ACAA2: variants seen among roughly 807,000 people sequenced by gnomAD.
ACAA2 encodes the protein acetyl-CoA acyltransferase 2.
ACAA2 carries 35 observed loss-of-function variants against 44.8 expected under a neutral mutation model. The observed-to-expected ratio is 0.78, with a 90% CI of 0.60 to 1.04. ACAA2 has a LOEUF of 1.04. Among genes scored for constraint, ACAA2 ranks in the 50% least tolerant of loss-of-function variants. ACAA2 has a pLI of 0.00. For missense variants in ACAA2, 468 were observed against 482.6 expected (o/e 0.97, Z 0.28); for synonymous variants, 142 against 166.5 (o/e 0.85, Z 1.13).
At position 49,787,273 on chromosome 18, in the gene ACAA2, A is replaced by C. The variant is rs2259175; in HGVS notation, c.954+18T>G. 107,114 of 1,144,562 alleles carry C rather than the reference A, an allele frequency of 0.094. 5,756 individuals are homozygous for C. Among genetic ancestry groups the C allele is most frequent in the African/African-American group, 0.44 (25,418 of 58,040 alleles). The allele number at this position is 1,144,562 out of a possible 1,614,324, so 70.9% of individuals were successfully genotyped here. A position where few individuals can be genotyped will look rare whatever the true frequency, so the allele number is the denominator to read the frequency against. On this transcript the variant is annotated intron_variant, in intron 8 of 9. Coordinates refer to ENST00000285093, the MANE Select transcript of ACAA2 (RefSeq NM_006111.3). Reference sequence around the variant, plus strand: ...TATTCATGTTGTTAAAAAAAAAAAAAAAAAAAAAAACACTTACCTCTACCA... The same window carrying C: ...TATTCATGTTGTTAAAAAAAAAAAACAAAAAAAAAACACTTACCTCTACCA...
chr18:49,810,360 A>G (rs980519650), intron 1 of ACAA2, among the ~76,000 whole-genome samples: 3 of 152,202 alleles, frequency 2.0e-5, no homozygotes, highest in Admixed American at 1.3e-4. Context: ...TATTGCACAC[A>G]TGGAAATGAC....
chr18:49,804,329 G>A (rs1196362202), intron 1 of ACAA2, among the ~76,000 whole-genome samples: 1 of 152,138 alleles, frequency 6.6e-6, no homozygotes, highest in Non-Finnish European at 1.5e-5. Context: ...TAGAATATAT[G>A]CTGCTACCGG....
chr18:49,808,935 C>T (rs562762695), intron 1 of ACAA2, among the ~76,000 whole-genome samples: 19 of 152,252 alleles, frequency 1.2e-4, no homozygotes, highest in African/African-American at 4.3e-4. Flanking sequence ...CCTAATAAGC[C>T]TGAGGGTACT....
chr18:49,799,230 C>CCCCCTCTCCCCCTCCTCT (rs2023499825), intron 2 of ACAA2, among the ~76,000 whole-genome samples: 1 of 151,790 alleles, frequency 6.6e-6, no homozygotes, highest in Non-Finnish European at 1.5e-5. Context: ...CCCCCTCCTC[C>CCCCCTCTCCCCCTCCTCT]TCCCCCTCTC....
At chr18:49,783,956 A>ATCTAC (rs763830168) in intron 9 of ACAA2, 25 bp from the exon 10 acceptor site, 1 of 1,586,654 alleles carries the variant, frequency 6.3e-7, no homozygotes, top group Non-Finnish European at 8.7e-7. Context: ...AGTGACTGAA[A>ATCTAC]TCTACTCTAA....
In ACAA2 at chr18:49,784,862, T is replaced by C. The variant is rs543685032; in HGVS notation, c.1109+335A>G. On this transcript the variant is annotated intron_variant, in intron 9 of 9. Coordinates refer to ENST00000285093, the MANE Select transcript of ACAA2 (RefSeq NM_006111.3). ...TTTTTTTTCTAAAATAGATTTATTTTACTCCTGTAACTGGCACTAAAATAC... is the reference window on the plus strand; with the variant it reads ...TTTTTTTTCTAAAATAGATTTATTTCACTCCTGTAACTGGCACTAAAATAC... Among the ~76,000 whole-genome samples the C allele has an allele frequency of 3.3e-5, 5 of 152,284 alleles. No individual in the cohort carries two copies. In the South Asian group the frequency reaches 1.0e-3, roughly 32 times the overall value.
At chr18:49,798,231 A>C (rs2023487308) in intron 2 of ACAA2, among the ~76,000 whole-genome samples, 1 of 152,204 alleles carries the variant, frequency 6.6e-6, no homozygotes, top group African/African-American at 2.4e-5. Context: ...ATTCTAATGT[A>C]AAACAGGCTG....
Position 49,787,283 on chromosome 18 carries a change from A to AAC in ACAA2, c.954+7_954+8insGT. On this transcript the variant is annotated splice_region_variant and intron_variant, in intron 8 of 9. Coordinates refer to ENST00000285093, the MANE Select transcript of ACAA2 (RefSeq NM_006111.3). ...GTTAAAAAAAAAAAAAAAAAAAAAA[A>AAC]CACTTACCTCTACCAAATCCATGTC... The AAC allele has an allele frequency of 3.4e-6, 5 of 1,454,256 alleles. No individual in the cohort carries two copies. In the South Asian group the frequency reaches 7.4e-5, roughly 21 times the overall value. The allele number at this position is 1,454,256 out of a possible 1,614,324, so 90.1% of individuals were successfully genotyped here. A position where few individuals can be genotyped will look rare whatever the true frequency, so the allele number is the denominator to read the frequency against.
At chr18:49,794,984 GTGTGCCCCACTT>G (rs2023449164) in intron 4 of ACAA2, among the ~76,000 whole-genome samples, 1 of 152,198 alleles carries the variant, frequency 6.6e-6, no homozygotes, top group South Asian at 2.1e-4. Context: ...TCTCTGGTAA[GTGTGCCCCACTT>G]TGCTGCCTCA....
chr18:49,797,632 TA>T, intron 2 of ACAA2, 38 bp from the exon 3 acceptor site: 1 of 1,514,374 alleles, frequency 6.6e-7, no homozygotes, highest in Non-Finnish European at 8.9e-7. Context: ...ATTTTCTCTA[TA>T]AATCTACTAA....
chr18:49,796,215 A>G (rs2023463315), intron 3 of ACAA2, among the ~76,000 whole-genome samples: 1 of 152,220 alleles, frequency 6.6e-6, no homozygotes, highest in Non-Finnish European at 1.5e-5. Flanking sequence ...GCAGATAATA[A>G]AGGACATACC....
chr18:49,795,259 G>A (rs1021961923), intron 4 of ACAA2, among the ~76,000 whole-genome samples: 9 of 152,162 alleles, frequency 5.9e-5, no homozygotes, highest in African/African-American at 1.9e-4. Context: ...TTCTCAAGTT[G>A]TAGCTCTCAA....
At position 49,794,317 on chromosome 18, in the gene ACAA2, G is replaced by C; in HGVS notation, c.540C>G (p.Asp180Glu). 6.2e-7 allele frequency: 1 copy of C among 1,609,542 alleles called. No individual in the cohort carries two copies. Among genetic ancestry groups the C allele is most frequent in the Non-Finnish European group, 8.5e-7 (1 of 1,179,248 alleles). ...TCTGCTGTGACTGCAGGGCATATTT[G>C]TCACATTCTTCTCTGCTTATTTTGT... ...VKHKISREEC[D>E]KYALQSQQRW... is the part of the protein sequence containing the mutation. Residue 180 changes from aspartate to glutamate, a missense_variant, in exon 5 of 10, where the codon GAC (aspartate) becomes GAG (glutamate). Transcript: ENST00000285093.
intron 5 of ACAA2, among the ~76,000 whole-genome samples, chr18:49,792,794 T>A (rs1471155453): frequency 6.6e-6 from 1 of 152,166 alleles, no homozygotes; most frequent in Non-Finnish European, 1.5e-5. Context: ...ATTGGAGGAT[T>A]TACGATACCA....
At chr18:49,793,390 ATTG>A (rs1568586671) in intron 5 of ACAA2, among the ~76,000 whole-genome samples, 1 of 152,246 alleles carries the variant, frequency 6.6e-6, no homozygotes, top group Non-Finnish European at 1.5e-5. Flanking sequence ...GAAGGCAAAT[ATTG>A]TTATCTCTAT....
intron 1 of ACAA2, among the ~76,000 whole-genome samples, chr18:49,806,707 AG>A (rs2023613716): frequency 6.6e-6 from 1 of 152,266 alleles, no homozygotes; most frequent in Non-Finnish European, 1.5e-5. Context: ...ATTTTAAAAT[AG>A]CATTCTATTA....
At chr18:49,812,798 C>T (rs1273971904) in intron 1 of ACAA2, 1 of 152,202 alleles carries the variant, frequency 6.6e-6, no homozygotes, top group African/African-American at 2.4e-5. Flanking sequence ...TTTTTCCTGT[C>T]TCAGGGCCTC....
Position 49,783,947 on chromosome 18 carries a change from G to GTGAC in ACAA2, c.1110-20_1110-17dup, listed in dbSNP as rs762701837. ...ACCTCGACGCCTGAAAAAGAAAGCA[G>GTGAC]TGACTGAAATCTACTCTAATAAAAA... On this transcript the variant is annotated splice_polypyrimidine_tract_variant and intron_variant, in intron 9 of 9. Transcript: ENST00000285093. 1.2e-5 allele frequency: 20 copies of GTGAC among 1,609,970 alleles called. No individual in the cohort carries two copies. Among genetic ancestry groups the GTGAC allele is most frequent in the Admixed American group, 5.0e-5 (3 of 59,954 alleles).
intron 2 of ACAA2, among the ~76,000 whole-genome samples, chr18:49,797,941 T>C (rs982488143): frequency 6.6e-6 from 1 of 152,196 alleles, no homozygotes; most frequent in African/African-American, 2.4e-5. Flanking sequence ...ATATTAAAGA[T>C]AATTGCTACT....
Sources: gnomAD v4.1 joint callset for allele counts (sites outside exome capture counted in the v4.1 genomes callset) on GRCh38, gnomAD v4.1.1 for gene constraint, MANE v1.5 for transcripts, NCBI Gene and HGNC (gene_info 2026-07-23, HGNC 2026-07-21) for gene names.